Variants in TBC1D32 observed in about 807,000 individuals in gnomAD.
TBC1D32 encodes the protein TBC1 domain family member 32.
A neutral mutation model predicts 170.3 loss-of-function variants in TBC1D32; 151 were observed. The ratio of observed to expected loss-of-function variants is 0.89; its 90% CI spans 0.78 to 1.01. The LOEUF (loss-of-function observed/expected upper bound fraction) is 1.01, where lower values mean the gene tolerates loss of function less well. Ranked by LOEUF, TBC1D32 falls within the 50% of genes least tolerant of loss-of-function variation. TBC1D32 has a pLI of 0.00. For synonymous variants in TBC1D32, 498 were observed against 488.0 expected (o/e 1.02, Z -0.27); for missense variants, 1,464 against 1,457.1 (o/e 1.00, Z -0.08).
chr6:121,254,679 T>C (rs1053236686), intron 17 of TBC1D32, among the ~76,000 whole-genome samples: 1 of 152,122 alleles, frequency 6.6e-6, no homozygotes, highest in Non-Finnish European at 1.5e-5. Context: ...CACTTCAACA[T>C]CTCTTTAACA....
chr6:121,250,033 C>A (rs1798094054), intron 17 of TBC1D32, among the ~76,000 whole-genome samples: 2 of 151,944 alleles, frequency 1.3e-5, no homozygotes, highest in South Asian at 4.2e-4. Flanking sequence ...CAAAGCAAAA[C>A]TAAGCAAAAA....
At chr6:121,109,661 GAAT>G (rs1414569873) in intron 29 of TBC1D32, among the ~76,000 whole-genome samples, 1 of 151,958 alleles carries the variant, frequency 6.6e-6, no homozygotes, top group Non-Finnish European at 1.5e-5. Context: ...TAGTAGCAAA[GAAT>G]AATTGAAGAT....
intron 22 of TBC1D32, among the ~76,000 whole-genome samples, chr6:121,195,516 T>C (rs1790610452): frequency 6.6e-6 from 1 of 152,120 alleles, no homozygotes; most frequent in Non-Finnish European, 1.5e-5. Flanking sequence ...CCATTAGCCA[T>C]AAAGTGGGTC....
At chr6:121,238,980 G>A (rs1796638463) in intron 20 of TBC1D32, 90 bp downstream of exon 20, 2 of 599,766 alleles carry the variant, frequency 3.3e-6, no homozygotes, top group Admixed American at 2.5e-5. Flanking sequence ...AAGTCTGCTG[G>A]TTGTAACTGA....
chr6:121,199,322 G>T (rs1056377229), intron 22 of TBC1D32, among the ~76,000 whole-genome samples: 2 of 151,284 alleles, frequency 1.3e-5, no homozygotes, highest in Admixed American at 1.3e-4. Flanking sequence ...ATATTTATAG[G>T]TGTGAATGGA....
At chr6:121,295,605 A>G (rs551003015) in intron 10 of TBC1D32, among the ~76,000 whole-genome samples, 7 of 152,204 alleles carry the variant, frequency 4.6e-5, no homozygotes, top group Admixed American at 3.3e-4. Context: ...ACAGAGGGGA[A>G]GAGTTTGACT....
chr6:121,143,348 C>T (rs1235995777), intron 24 of TBC1D32, among the ~76,000 whole-genome samples: 1 of 151,966 alleles, frequency 6.6e-6, no homozygotes, highest in African/African-American at 2.4e-5. Flanking sequence ...TAAAAATGTT[C>T]ATAAAGAAAA....
chr6:121,202,204 G>C (rs544840937), intron 22 of TBC1D32, among the ~76,000 whole-genome samples: 1 of 144,288 alleles, frequency 6.9e-6, no homozygotes, highest in African/African-American at 2.6e-5. Context: ...AGAGTGCACA[G>C]AAACCTAGGA....
intron 17 of TBC1D32, among the ~76,000 whole-genome samples, chr6:121,252,359 A>T (rs1798410058): frequency 6.6e-6 from 1 of 152,216 alleles, no homozygotes; most frequent in African/African-American, 2.4e-5. Context: ...GATAAAGAAA[A>T]TGTGGCACAT....
chr6:121,264,172 G>A (rs1800143129), intron 15 of TBC1D32, among the ~76,000 whole-genome samples: 1 of 151,620 alleles, frequency 6.6e-6, no homozygotes, highest in South Asian at 2.1e-4. Context: ...AAATAAAATA[G>A]ACCACTAGTT....
rs368784397 is a variant in TBC1D32 at position 121,095,346 on chromosome 6, C to G, written c.3466-4305G>C. Among the ~76,000 whole-genome samples the G allele has an allele frequency of 1.8e-4, 27 of 152,204 alleles. No homozygotes were observed. In the East Asian group the frequency reaches 4.6e-3, roughly 26 times the overall value. ...TGAGGTAAATTATTCCTCCTTGTAACTAGAATTAAAAAACAATCTTCAAAG... is the reference window on the plus strand; with the variant it reads ...TGAGGTAAATTATTCCTCCTTGTAAGTAGAATTAAAAAACAATCTTCAAAG... On this transcript the variant is annotated intron_variant, in intron 30 of 31. Transcript: ENST00000398212.
chr6:121,290,422 G>A (rs1449698863), intron 12 of TBC1D32, among the ~76,000 whole-genome samples: 1 of 152,064 alleles, frequency 6.6e-6, no homozygotes, highest in African/African-American at 2.4e-5. Flanking sequence ...CTGGCCATCA[G>A]AGAAATGCAA....
intron 10 of TBC1D32, among the ~76,000 whole-genome samples, chr6:121,294,878 T>A (rs1044395580): frequency 6.6e-6 from 1 of 152,186 alleles, no homozygotes; most frequent in Non-Finnish European, 1.5e-5. Flanking sequence ...GACCAACAAA[T>A]ATGATAATGT....
intron 3 of TBC1D32, among the ~76,000 whole-genome samples, chr6:121,313,549 T>A (rs1396274204): frequency 1.3e-5 from 2 of 152,112 alleles, no homozygotes; most frequent in Non-Finnish European, 2.9e-5. Flanking sequence ...GTCCCAGGCC[T>A]AACTCTAGGC....
chr6:121,199,180 A>T (rs956187475), intron 22 of TBC1D32, among the ~76,000 whole-genome samples: 1 of 151,446 alleles, frequency 6.6e-6, no homozygotes, highest in African/African-American at 2.5e-5. Context: ...TGGAGCAACA[A>T]TTATAAACAT....
chr6:121,228,960 C>T (rs1795379268), intron 20 of TBC1D32, among the ~76,000 whole-genome samples: 2 of 152,020 alleles, frequency 1.3e-5, no homozygotes, highest in Admixed American at 1.3e-4. Flanking sequence ...GGCGTATTGA[C>T]CATATTCATA....
At chr6:121,205,591 G>C (rs1362854545) in intron 21 of TBC1D32, among the ~76,000 whole-genome samples, 1 of 152,156 alleles carries the variant, frequency 6.6e-6, no homozygotes, top group Non-Finnish European at 1.5e-5. Flanking sequence ...TCAAAATGTT[G>C]TAACTAGTAA....
chr6:121,334,506 C>T, upstream of TBC1D32: 2 of 1,482,188 alleles, frequency 1.3e-6, no homozygotes, highest in Non-Finnish European at 1.8e-6. Flanking sequence ...CGCACGCGCA[C>T]CCCCACCCAG....
chr6:121,141,119 T>C (rs1782730787), intron 24 of TBC1D32, among the ~76,000 whole-genome samples: 1 of 132,856 alleles, frequency 7.5e-6, no homozygotes. Flanking sequence ...CATTTTAGGG[T>C]AGTAGACTAT....
Sources: gnomAD v4.1 joint callset for allele counts (sites outside exome capture counted in the v4.1 genomes callset) on GRCh38, gnomAD v4.1.1 for gene constraint, MANE v1.5 for transcripts, NCBI Gene and HGNC (gene_info 2026-07-23, HGNC 2026-07-21) for gene names.